AIG1: variants seen among roughly 807,000 people sequenced by gnomAD.
AIG1 encodes androgen-induced gene 1 protein.
In AIG1, 23 loss-of-function variants were observed where a neutral mutation model predicts 31.4. The observed-to-expected ratio is 0.73, with a 90% CI of 0.53 to 1.04. The LOEUF (loss-of-function observed/expected upper bound fraction) is 1.04, where lower values mean the gene tolerates loss of function less well. Ranked by LOEUF, AIG1 falls within the 50% of genes least tolerant of loss-of-function variation. The pLI is 0.00. For missense variants in AIG1, 274 were observed against 295.0 expected, an observed-to-expected ratio of 0.93 and a Z score of 0.52; for synonymous variants, 100 against 110.5, an observed-to-expected ratio of 0.90 and a Z score of 0.60.
intron 3 of AIG1, among the ~76,000 whole-genome samples, chr6:143,221,726 T>C (rs1480587334): frequency 1.3e-5 from 2 of 152,230 alleles, no homozygotes; most frequent in Admixed American, 1.3e-4. Context: ...TGATATTCTA[T>C]CTTCCTCAGT....
At chr6:143,287,666 C>T (rs186330661) in intron 4 of AIG1, among the ~76,000 whole-genome samples, 102 of 134,166 alleles carry the variant, frequency 7.6e-4, no homozygotes, top group African/African-American at 2.7e-3. Flanking sequence ...GAGAGGAGGA[C>T]AGAATGTACC....
At chr6:143,221,641 G>A (rs186605018) in intron 3 of AIG1, among the ~76,000 whole-genome samples, 10 of 152,214 alleles carry the variant, frequency 6.6e-5, no homozygotes, top group Admixed American at 5.9e-4. Context: ...TGGGAAAATA[G>A]CATAGGCCCT....
At chr6:143,221,710 A>G (rs1792529861) in intron 3 of AIG1, among the ~76,000 whole-genome samples, 1 of 152,046 alleles carries the variant, frequency 6.6e-6, no homozygotes. Context: ...TCAATTTCCT[A>G]CTTTATGATA....
chr6:143,343,165 C>T, downstream of AIG1: 2 of 736,790 alleles, frequency 2.7e-6, no homozygotes, highest in Non-Finnish European at 5.1e-6. Flanking sequence ...ACATTCACAG[C>T]AGGAAATGCC....
At chr6:143,192,296 C>T (rs1789859073) in intron 3 of AIG1, among the ~76,000 whole-genome samples, 1 of 152,126 alleles carries the variant, frequency 6.6e-6, no homozygotes, top group Admixed American at 6.5e-5. Context: ...AATAAGTCCT[C>T]AACAAAAATG....
intron 1 of AIG1, among the ~76,000 whole-genome samples, chr6:143,093,834 G>C (rs1779520333): frequency 6.6e-6 from 1 of 152,144 alleles, no homozygotes; most frequent in East Asian, 1.9e-4. Context: ...CCGGTTGGTG[G>C]AGCAGTCAAA....
At chr6:143,224,685 G>A (rs1185047698) in intron 3 of AIG1, among the ~76,000 whole-genome samples, 2 of 152,148 alleles carry the variant, frequency 1.3e-5, no homozygotes, top group Non-Finnish European at 2.9e-5. Flanking sequence ...GAGTAATGTA[G>A]TAGGTCCTCA....
At chr6:143,106,306 TC>T (rs1254782983) in intron 1 of AIG1, among the ~76,000 whole-genome samples, 1 of 152,174 alleles carries the variant, frequency 6.6e-6, no homozygotes, top group African/African-American at 2.4e-5. Context: ...GAACAGGTTC[TC>T]CCTCACAGCC....
At chr6:143,184,940 G>A (rs1166135451) in intron 3 of AIG1, among the ~76,000 whole-genome samples, 2 of 152,194 alleles carry the variant, frequency 1.3e-5, no homozygotes, top group African/African-American at 4.8e-5. Context: ...GCTCACGCCT[G>A]TAGTCCCAGT....
intron 2 of AIG1, among the ~76,000 whole-genome samples, chr6:143,162,250 T>C (rs1269486322): frequency 6.6e-6 from 1 of 152,090 alleles, no homozygotes; most frequent in Non-Finnish European, 1.5e-5. Flanking sequence ...ACCACAAACA[T>C]TGCTGAGAGA....
chr6:143,118,813 G>A lies in AIG1; in HGVS notation c.142-18022G>A, dbSNP rs991660898. Among the ~76,000 whole-genome samples, 66 of 151,642 alleles carry A rather than the reference G, an allele frequency of 4.4e-4. 1 individual carries two copies. Among genetic ancestry groups the A allele is most frequent in the African/African-American group, 1.6e-3 (65 of 41,306 alleles). ...GCTTGAGTGACCTAAATAAAAATCA[G>A]TGCCAAAAAATTCCTATATGGAACT... On this transcript the variant is annotated intron_variant, in intron 1 of 5. Transcript: ENST00000357847.
At chr6:143,103,510 T>C (rs915527627) in intron 1 of AIG1, among the ~76,000 whole-genome samples, 7 of 140,792 alleles carry the variant, frequency 5.0e-5, no homozygotes, top group African/African-American at 1.3e-4. Context: ...TCTTTTTTTT[T>C]TTTTTTTTTT....
rs1037020039 is a variant in AIG1, at chr6:143,279,820, A to C, written c.400-4290A>C. On this transcript the variant is annotated intron_variant, in intron 3 of 5. Coordinates refer to ENST00000357847, the MANE Select transcript of AIG1 (RefSeq NM_016108.4). The surrounding 1 kb of genome is among the most constrained non-coding windows in gnomAD (Gnocchi z 5.4). Reference sequence around the variant, plus strand: ...TCATTAAAACTAGCTAAAATGGATGATAGAGCTTGGGATAGGTTCACCACT... The same window carrying C: ...TCATTAAAACTAGCTAAAATGGATGCTAGAGCTTGGGATAGGTTCACCACT... Among the ~76,000 whole-genome samples the C allele has an allele frequency of 6.6e-6, 1 of 152,200 alleles. No individual in the cohort carries two copies. Among genetic ancestry groups the C allele is most frequent in the African/African-American group, 2.4e-5 (1 of 41,450 alleles).
At chr6:143,139,054 A>T (rs573242536) in intron 2 of AIG1, among the ~76,000 whole-genome samples, 1 of 152,244 alleles carries the variant, frequency 6.6e-6, no homozygotes, top group East Asian at 1.9e-4. Flanking sequence ...TGCCCTTTAG[A>T]CATTTTTGAC....
intron 3 of AIG1, among the ~76,000 whole-genome samples, chr6:143,181,297 C>G (rs542067092): frequency 4.6e-5 from 7 of 152,180 alleles, no homozygotes; most frequent in African/African-American, 1.4e-4. Context: ...CTCTAGGACT[C>G]TCAAATGGAC....
intron 1 of AIG1, among the ~76,000 whole-genome samples, chr6:143,070,115 T>C (rs1777114292): frequency 6.6e-6 from 1 of 152,258 alleles, no homozygotes; most frequent in South Asian, 2.1e-4. Flanking sequence ...GAGAATCATC[T>C]AACTTTGTTC....
chr6:143,207,956 G>C (rs2128612399), intron 3 of AIG1, among the ~76,000 whole-genome samples: 1 of 152,186 alleles, frequency 6.6e-6, no homozygotes, highest in South Asian at 2.1e-4. Context: ...CCATCTTCTA[G>C]GTGAGAGATT....
intron 5 of AIG1, among the ~76,000 whole-genome samples, chr6:143,337,180 T>A (rs1440929401): frequency 2.0e-5 from 3 of 152,192 alleles, no homozygotes; most frequent in Non-Finnish European, 4.4e-5. Context: ...CATTGGTCCT[T>A]CATTTCATCC....
chr6:143,156,921 A>G (rs1785823958), intron 2 of AIG1, among the ~76,000 whole-genome samples: 1 of 152,238 alleles, frequency 6.6e-6, no homozygotes, highest in African/African-American at 2.4e-5. Flanking sequence ...TGAAGGATGC[A>G]GCTAAGAATG....
Sources: allele counts gnomAD v4.1 joint callset (sites outside exome capture counted in the v4.1 genomes callset), GRCh38; gene constraint gnomAD v4.1.1; non-coding constraint Gnocchi (gnomAD v3.1); transcripts MANE v1.5; gene names NCBI Gene and HGNC (gene_info 2026-07-23, HGNC 2026-07-21).